Variants in PLEKHA6 observed in about 807,000 individuals in gnomAD.
The protein encoded by PLEKHA6 is pleckstrin homology domain-containing family A member 6.
A neutral mutation model predicts 116.7 loss-of-function variants in PLEKHA6; 60 were observed. The observed-to-expected ratio is 0.51, with a 90% confidence interval of 0.42 to 0.64. The LOEUF (loss-of-function observed/expected upper bound fraction) is 0.64, where lower values mean the gene tolerates loss of function less well. Among genes scored for constraint, PLEKHA6 ranks in the 30% least tolerant of loss-of-function variants. The pLI is 0.00. For missense variants in PLEKHA6, 1,338 were observed against 1,422.7 expected (o/e 0.94, Z 0.96); for synonymous variants, 489 against 556.1 (o/e 0.88, Z 1.70).
intron 1 of PLEKHA6, among the ~76,000 whole-genome samples, chr1:204,295,883 A>AAGCCAG (rs1394774918): frequency 6.6e-6 from 1 of 152,204 alleles, no homozygotes; most frequent in Non-Finnish European, 1.5e-5. Flanking sequence ...TCCTGTGACA[A>AAGCCAG]AGCCAGAGCC....
chr1:204,365,360 T>C (rs1048440756), intron 3 of PLEKHA6, among the ~76,000 whole-genome samples: 1 of 152,130 alleles, frequency 6.6e-6, no homozygotes, highest in African/African-American at 2.4e-5. Flanking sequence ...GCTTCTACAA[T>C]AATGGAAGTG....
chr1:204,253,983 G>A (rs555608259), intron 9 of PLEKHA6, among the ~76,000 whole-genome samples: 1 of 152,364 alleles, frequency 6.6e-6, no homozygotes, highest in South Asian at 2.1e-4. Flanking sequence ...CCCGCAGGAA[G>A]GGACCCTGCT....
At chr1:204,249,140 C>T (rs764607680) in intron 11 of PLEKHA6, 44 bp downstream of exon 11, 2 of 1,542,050 alleles carry the variant, frequency 1.3e-6, no homozygotes, top group Non-Finnish European at 9.0e-7. Context: ...TCCAAGCCAG[C>T]CTCGCCCATC....
chr1:204,244,771 G>A lies in PLEKHA6; in HGVS notation c.2172+93C>T, dbSNP rs529787408. 8 of 981,572 alleles carry A rather than the reference G, an allele frequency of 8.2e-6. No homozygotes were observed. In the East Asian group the frequency reaches 2.5e-4, roughly 31 times the overall value. 60.8% of individuals were successfully genotyped at this position (981,572 alleles called of 1,614,324 possible). Reference sequence around the variant, plus strand: ...CAGCACTAGGGCTGGAGGCCTGTGGGGAAGAGATGGGCACAGAAGTTGTAT... The same window carrying A: ...CAGCACTAGGGCTGGAGGCCTGTGGAGAAGAGATGGGCACAGAAGTTGTAT... On this transcript the variant is annotated intron_variant, in intron 15 of 22. Coordinates refer to ENST00000272203, the MANE Select transcript of PLEKHA6 (RefSeq NM_014935.5).
chr1:204,297,124 C>T (rs1171338945), intron 1 of PLEKHA6: 15 of 983,212 alleles, frequency 1.5e-5, no homozygotes, highest in Admixed American at 6.2e-5. Context: ...AGATAAAATC[C>T]GAATCAGATG....
chr1:204,229,071 T>C lies in PLEKHA6; in HGVS notation c.2617A>G (p.Ile873Val), dbSNP rs779221013. 1 of 1,613,926 alleles carries C rather than the reference T, an allele frequency of 6.2e-7. No individual in the cohort carries two copies. The highest frequency in any genetic ancestry group is 2.2e-5 in the East Asian group (1 of 44,872). The change falls in exon 19 of 23, where the codon ATC (isoleucine) becomes GTC (valine). Residue 873 changes from isoleucine to valine, a missense_variant. Transcript: ENST00000272203. ...RRHRSIHEVD[I>V]SNLEAALRAE... Reference sequence around the variant, plus strand: ...CGCAGGGCTGCCTCCAGGTTGGAGATGTCTACCTCATGGATGCTGCGGTGG... The same window carrying C: ...CGCAGGGCTGCCTCCAGGTTGGAGACGTCTACCTCATGGATGCTGCGGTGG...
intron 9 of PLEKHA6, among the ~76,000 whole-genome samples, chr1:204,254,960 G>A (rs1389214221): frequency 2.6e-5 from 4 of 152,088 alleles, no homozygotes; most frequent in South Asian, 2.1e-4. Context: ...TTAGAACCCC[G>A]GAGCAGAGAC....
chr1:204,250,282 T>C (rs1312910624), intron 10 of PLEKHA6, among the ~76,000 whole-genome samples: 1 of 151,978 alleles, frequency 6.6e-6, no homozygotes. Flanking sequence ...CAGCGCTCAG[T>C]GGAGAAATGG....
chr1:204,267,325 T>C (rs1432174693), intron 5 of PLEKHA6, 150 bp downstream of exon 5: 2 of 698,834 alleles, frequency 2.9e-6, no homozygotes, highest in Non-Finnish European at 5.2e-6. Context: ...AGCTTTGTTT[T>C]TATCCTGCTG....
chr1:204,263,667 G>T (rs1199004576), intron 6 of PLEKHA6, among the ~76,000 whole-genome samples: 1 of 152,130 alleles, frequency 6.6e-6, no homozygotes, highest in Non-Finnish European at 1.5e-5. Flanking sequence ...TGCTGGCAGA[G>T]CTCCGAGCTG....
At position 204,257,444 on chromosome 1, in the gene PLEKHA6, C is replaced by G. The variant is rs770691409; in HGVS notation, c.1433G>C (p.Ser478Thr). The G allele has an allele frequency of 2.5e-5, 39 of 1,568,778 alleles. No homozygotes were observed. The South Asian group carries it at 4.0e-4, about 16-fold the overall frequency. ...AGGTGGCAGCCGCTCAAAACGGGCA[C>G]TGGGTGAGCGGACAGGGGAGTAAAT... is the stretch of plus-strand genomic sequence containing the variant. ...ARIYSPVRSP[S>T]ARFERLPPRS... Residue 478 changes from serine (S) to threonine (T), a missense_variant, in exon 9 of 23, where the codon AGT becomes ACT. Physicochemically the swap from Ser to Thr is moderately conservative, Grantham distance 58. This residue lies in a region of PLEKHA6 where 1,136 missense variants were observed against 1,163.6 expected (regional missense o/e 0.98). Coordinates refer to ENST00000272203, the MANE Select transcript of PLEKHA6 (RefSeq NM_014935.5). This position sits in a 1 kb window ranked among gnomAD's most constrained non-coding sequence, Gnocchi z 6.5.
intron 1 of PLEKHA6, among the ~76,000 whole-genome samples, chr1:204,295,513 A>C (rs574540714): frequency 3.0e-4 from 45 of 151,830 alleles, no homozygotes; most frequent in East Asian, 7.8e-4. Flanking sequence ...CAAACAACAA[A>C]AAAAAAATTC....
At chr1:204,246,122 T>G (rs1307413655) in intron 13 of PLEKHA6, among the ~76,000 whole-genome samples, 1 of 152,154 alleles carries the variant, frequency 6.6e-6, no homozygotes, top group African/African-American at 2.4e-5. Flanking sequence ...ACAGCCCTTT[T>G]CTAATACCCA....
rs1039339013 is a variant in PLEKHA6, at chr1:204,259,976, T to C, written c.525-236A>G. ...CTGCCCACACCTGCTGTGTTAACTCTGCCCCCCACGTCTTCTCTGCAGGTC... is the reference window on the plus strand; with the variant it reads ...CTGCCCACACCTGCTGTGTTAACTCCGCCCCCCACGTCTTCTCTGCAGGTC... On this transcript the variant is annotated intron_variant, in intron 7 of 22. Coordinates refer to ENST00000272203, the MANE Select transcript of PLEKHA6 (RefSeq NM_014935.5). The surrounding 1 kb of genome is among the most constrained non-coding windows in gnomAD (Gnocchi z 4.6). Among the ~76,000 whole-genome samples, 3 of 152,160 alleles carry C rather than the reference T, an allele frequency of 2.0e-5. No homozygotes were observed. Among genetic ancestry groups the C allele is most frequent in the African/African-American group, 7.2e-5 (3 of 41,436 alleles).
intron 1 of PLEKHA6, among the ~76,000 whole-genome samples, chr1:204,375,031 C>T (rs1458325821): frequency 2.0e-5 from 3 of 152,070 alleles, no homozygotes; most frequent in Non-Finnish European, 4.4e-5. Context: ...ATCCCTCTTC[C>T]TTGCCTTCTG....
rs1179075419 is a variant in PLEKHA6, at chr1:204,291,827, A to G, written c.-94-17018T>C. 2.0e-5 allele frequency among the ~76,000 whole-genome samples: 3 copies of G among 152,346 alleles called. No homozygotes were observed. In the East Asian group the frequency reaches 5.8e-4, roughly 29 times the overall value. On this transcript the variant is annotated intron_variant, in intron 1 of 22. Transcript: ENST00000272203. ...AGGAAGAAACTGGGGAGTGATGGAT[A>G]TATGTTAATTATCTCAATTGTGTTT...
intron 1 of PLEKHA6, among the ~76,000 whole-genome samples, chr1:204,322,638 G>T (rs1672105203): frequency 6.6e-6 from 1 of 152,142 alleles, no homozygotes; most frequent in East Asian, 1.9e-4. Flanking sequence ...TCAGCCGCTG[G>T]GATTCTTTCC....
intron 15 of PLEKHA6, 32 bp downstream of exon 15, chr1:204,244,832 C>A (rs1263917923): frequency 6.6e-7 from 1 of 1,507,190 alleles, no homozygotes; most frequent in South Asian, 1.3e-5. Flanking sequence ...CCTCCCTCCC[C>A]CACCTACCTT....
chr1:204,290,147 C>T (rs1452918271), intron 1 of PLEKHA6, among the ~76,000 whole-genome samples: 1 of 152,182 alleles, frequency 6.6e-6, no homozygotes, highest in African/African-American at 2.4e-5. Flanking sequence ...ACAGTGCCAA[C>T]CAAAACCCTA....
Sources: gnomAD v4.1 joint callset for allele counts (sites outside exome capture counted in the v4.1 genomes callset) on GRCh38, gnomAD v4.1.1 for gene constraint, gnomAD v4.1.1 regional missense constraint, Gnocchi (gnomAD v3.1) non-coding constraint, MANE v1.5 for transcripts, NCBI Gene and HGNC (gene_info 2026-07-23, HGNC 2026-07-21) for gene names.